Variants in PBX3 observed in about 807,000 individuals in gnomAD.
PBX3 encodes PBX homeobox 3.
PBX3 carries 14 observed loss-of-function variants against 48.5 expected under a neutral mutation model. The ratio of observed to expected loss-of-function variants is 0.29; its 90% CI spans 0.19 to 0.45. The LOEUF (loss-of-function observed/expected upper bound fraction) is 0.45. Ranked by LOEUF, PBX3 falls within the 20% of genes least tolerant of loss-of-function variation. PBX3 has a pLI of 1.00. For missense variants in PBX3, 386 were observed against 546.7 expected, an observed-to-expected ratio of 0.71 and a Z score of 2.93; for synonymous variants, 210 against 200.3, an observed-to-expected ratio of 1.05 and a Z score of -0.41.
At chr9:125,874,213 A>T (rs188783174) in intron 2 of PBX3, among the ~76,000 whole-genome samples, 1 of 152,012 alleles carries the variant, frequency 6.6e-6, no homozygotes, top group South Asian at 2.1e-4. Context: ...AAATATTGCC[A>T]TAAAGAGAAC....
chr9:125,791,203 ACCATGCCTGG>A (rs2132062885), intron 2 of PBX3, among the ~76,000 whole-genome samples: 1 of 152,324 alleles, frequency 6.6e-6, no homozygotes, highest in South Asian at 2.1e-4. Flanking sequence ...GGCATGAGAC[ACCATGCCTGG>A]CCACCCTAAT....
intron 2 of PBX3, among the ~76,000 whole-genome samples, chr9:125,809,510 C>G (rs1400077574): frequency 6.6e-6 from 1 of 151,250 alleles, no homozygotes; most frequent in African/African-American, 2.4e-5. Context: ...AACTCAAATG[C>G]AGTTGTACTT....
chr9:125,911,114 T>A (rs904843200), intron 2 of PBX3, among the ~76,000 whole-genome samples: 2 of 152,108 alleles, frequency 1.3e-5, no homozygotes, highest in African/African-American at 4.8e-5. Context: ...TTTCAGTGTC[T>A]TTCACCACTG....
intron 4 of PBX3, among the ~76,000 whole-genome samples, chr9:125,932,415 G>A (rs908850799): frequency 1.2e-4 from 19 of 152,086 alleles, no homozygotes; most frequent in Admixed American, 2.0e-4. Flanking sequence ...CTCTCCCTTA[G>A]TAAGCCACAG....
At chr9:125,895,990 A>G (rs1339142511) in intron 2 of PBX3, among the ~76,000 whole-genome samples, 5 of 152,068 alleles carry the variant, frequency 3.3e-5, no homozygotes, top group East Asian at 3.9e-4. Context: ...TTAGATTTTA[A>G]TACTTGCTAC....
chr9:125,849,869 C>T (rs1339861716), intron 2 of PBX3, among the ~76,000 whole-genome samples: 1 of 151,888 alleles, frequency 6.6e-6, no homozygotes, highest in Non-Finnish European at 1.5e-5. Context: ...AACGTTTTTA[C>T]TTAATCAACA....
intron 4 of PBX3, among the ~76,000 whole-genome samples, chr9:125,933,871 C>G (rs1008673336): frequency 1.3e-5 from 2 of 152,152 alleles, no homozygotes; most frequent in Non-Finnish European, 2.9e-5. Context: ...AGTATCTAGT[C>G]TAGACATTAC....
chr9:125,754,019 A>G (rs1239530121), intron 2 of PBX3, among the ~76,000 whole-genome samples: 1 of 152,082 alleles, frequency 6.6e-6, no homozygotes, highest in East Asian at 1.9e-4. Context: ...TTGAAACTGC[A>G]TTTCGTGAAC....
chr9:125,848,084 G>A (rs573488555), intron 2 of PBX3, among the ~76,000 whole-genome samples: 8 of 152,050 alleles, frequency 5.3e-5, no homozygotes, highest in East Asian at 1.9e-4. Flanking sequence ...TTTATCCTGC[G>A]TGACTTACTT....
At chr9:125,849,867 TA>T (rs1201928120) in intron 2 of PBX3, among the ~76,000 whole-genome samples, 1 of 152,010 alleles carries the variant, frequency 6.6e-6, no homozygotes, top group Non-Finnish European at 1.5e-5. Flanking sequence ...TTAACGTTTT[TA>T]CTTAATCAAC....
At chr9:125,935,649 C>T in intron 5 of PBX3, 42 bp downstream of exon 5, 2 of 1,555,976 alleles carry the variant, frequency 1.3e-6, no homozygotes, top group Admixed American at 1.8e-5. Context: ...CCTGTGGAGA[C>T]AGGAACCTCA....
At chr9:125,903,130 C>T in intron 2 of PBX3, among the ~76,000 whole-genome samples, 1 of 151,748 alleles carries the variant, frequency 6.6e-6, no homozygotes, top group African/African-American at 2.4e-5. Context: ...AAAGATCTTT[C>T]TTTTTTTGTT....
rs570406239 is a variant in PBX3 at position 125,781,345 on chromosome 9, C to G, written c.274+32722C>G. 2.6e-5 allele frequency among the ~76,000 whole-genome samples: 4 copies of G among 151,906 alleles called. No individual in the cohort carries two copies. In the East Asian group the frequency reaches 7.9e-4, roughly 30 times the overall value. On this transcript the variant is annotated intron_variant, in intron 2 of 8. Coordinates refer to ENST00000373489, the MANE Select transcript of PBX3 (RefSeq NM_006195.6). ...CCAGCCCGGCCAACACAGCGAAACCCCGTCTCCACCAAAAAAGTACGAAAA... is the reference window on the plus strand; with the variant it reads ...CCAGCCCGGCCAACACAGCGAAACCGCGTCTCCACCAAAAAAGTACGAAAA...
chr9:125,869,754 T>C (rs1051336216), intron 2 of PBX3, among the ~76,000 whole-genome samples: 3 of 152,150 alleles, frequency 2.0e-5, no homozygotes, highest in Admixed American at 2.0e-4. Context: ...TTCTAAAGGA[T>C]ATATTTTAAG....
chr9:125,873,453 A>G (rs1840176563), intron 2 of PBX3, among the ~76,000 whole-genome samples: 1 of 152,232 alleles, frequency 6.6e-6, no homozygotes, highest in Non-Finnish European at 1.5e-5. Context: ...CTATGAGTCA[A>G]ACTTTAACAA....
At chr9:125,875,353 A>G (rs531482889) in intron 2 of PBX3, among the ~76,000 whole-genome samples, 2 of 152,256 alleles carry the variant, frequency 1.3e-5, no homozygotes, top group South Asian at 4.1e-4. Context: ...AATTTTATTG[A>G]CTATACTGTT....
intron 2 of PBX3, among the ~76,000 whole-genome samples, chr9:125,865,693 A>G (rs2132302741): frequency 6.6e-6 from 1 of 152,318 alleles, no homozygotes; most frequent in East Asian, 1.9e-4. Context: ...CTCCTTATAA[A>G]TGGAAGGATG....
intron 2 of PBX3, 95 bp from the exon 3 acceptor site, chr9:125,915,591 G>A: frequency 2.2e-6 from 2 of 897,860 alleles, no homozygotes; most frequent in Non-Finnish European, 3.3e-6. Flanking sequence ...CACTGATGTT[G>A]TTTGATCATT....
At chr9:125,947,614 A>G (rs1212329622) in intron 5 of PBX3, among the ~76,000 whole-genome samples, 1 of 152,160 alleles carries the variant, frequency 6.6e-6, no homozygotes, top group African/African-American at 2.4e-5. Flanking sequence ...GAGAAAATGC[A>G]TAGTAAGTGG....
Sources: allele counts gnomAD v4.1 joint callset (sites outside exome capture counted in the v4.1 genomes callset), GRCh38; gene constraint gnomAD v4.1.1; transcripts MANE v1.5; gene names NCBI Gene and HGNC (gene_info 2026-07-23, HGNC 2026-07-21).